Variants in CBL observed in about 807,000 individuals in gnomAD.
The protein encoded by CBL is Cbl proto-oncogene, also known as E3 ubiquitin-protein ligase CBL.
In CBL, 45 loss-of-function variants were observed where a neutral mutation model predicts 96.9. The observed-to-expected ratio is 0.46, with a 90% CI of 0.37 to 0.60. The LOEUF (loss-of-function observed/expected upper bound fraction) is 0.60. Ranked by LOEUF, CBL falls within the 20% of genes least tolerant of loss-of-function variation. The probability of loss-of-function intolerance (pLI) is 0.00; values close to 1 mark genes in which losing one functional copy is unlikely to be tolerated. For synonymous variants in CBL, 420 were observed against 426.8 expected (o/e 0.98, Z 0.20); for missense variants, 1,024 against 1,143.5 (o/e 0.90, Z 1.51).
At chr11:119,281,763 C>T (rs751021987) in intron 9 of CBL, among the ~76,000 whole-genome samples, 6 of 152,096 alleles carry the variant, frequency 3.9e-5, no homozygotes, top group Non-Finnish European at 8.8e-5. Context: ...TCCCACAGTG[C>T]TGGGATTACA....
intron 9 of CBL, among the ~76,000 whole-genome samples, chr11:119,282,456 G>A (rs1949943961): frequency 6.6e-6 from 1 of 152,214 alleles, no homozygotes; most frequent in African/African-American, 2.4e-5. Context: ...ATGATCGGCA[G>A]AGAGGGCCTT....
intron 1 of CBL, among the ~76,000 whole-genome samples, chr11:119,207,220 C>A (rs114827197): frequency 0.014 from 2,140 of 152,202 alleles, 52 homozygotes; most frequent in African/African-American, 0.045. Flanking sequence ...ACTTTCCTCC[C>A]CATCTAGCGC....
intron 1 of CBL, among the ~76,000 whole-genome samples, chr11:119,219,376 CAA>C (rs112712991): frequency 1.9e-4 from 23 of 124,224 alleles, no homozygotes; most frequent in Admixed American, 1.7e-4. Context: ...GACTCTGTCT[CAA>C]AAAAAAAAAA....
chr11:119,256,752 T>C (rs1299312361), intron 2 of CBL, among the ~76,000 whole-genome samples: 1 of 151,268 alleles, frequency 6.6e-6, no homozygotes, highest in Non-Finnish European at 1.5e-5. Context: ...TAAAGTCCAT[T>C]ATACCAATCT....
intron 1 of CBL, among the ~76,000 whole-genome samples, chr11:119,216,882 C>T (rs1347603306): frequency 2.0e-5 from 3 of 152,054 alleles, no homozygotes; most frequent in African/African-American, 4.8e-5. Context: ...TCGGTTACTC[C>T]GAGAAGGTTG....
intron 3 of CBL, among the ~76,000 whole-genome samples, chr11:119,272,175 G>T (rs902662001): frequency 6.6e-6 from 1 of 152,166 alleles, no homozygotes; most frequent in Non-Finnish European, 1.5e-5. Context: ...AGGCTGGAGT[G>T]CAGTGGTGCG....
chr11:119,304,371 A>T lies in CBL; in HGVS notation c.*4590A>T, dbSNP rs941202586. 2.1e-5 allele frequency: 5 copies of T among 233,146 alleles called. No individual in the cohort carries two copies. In the East Asian group the frequency reaches 3.0e-4, roughly 14 times the overall value. 14.4% of individuals were successfully genotyped at this position (233,146 alleles called of 1,614,324 possible). ...GCTTAGGGATTCTTTGGATCCAAGA[A>T]ACAGAAATGTTCAAGCGGAATAAAG... On this transcript the variant is annotated 3_prime_UTR_variant, in exon 16 of 16. Coordinates refer to ENST00000264033, the MANE Select transcript of CBL (RefSeq NM_005188.4).
At chr11:119,284,086 T>C (rs1264271610) in intron 9 of CBL, among the ~76,000 whole-genome samples, 1 of 152,116 alleles carries the variant, frequency 6.6e-6, no homozygotes, top group Admixed American at 6.6e-5. Flanking sequence ...ACAAGGCTGG[T>C]CTTGAACTCC....
At position 119,206,618 on chromosome 11, in the gene CBL, A is replaced by G; in HGVS notation, c.195+6A>G. ...GCTGGAAGCTCATGGACAAGGTGAA[A>G]GGCCGGCTGAGCGCCCGCTGTTGCA... On this transcript the variant is annotated splice_donor_region_variant and intron_variant, in intron 1 of 15. Coordinates refer to ENST00000264033, the MANE Select transcript of CBL (RefSeq NM_005188.4). 2 of 1,545,432 alleles carry G rather than the reference A, an allele frequency of 1.3e-6. No homozygotes were observed. The highest frequency in any genetic ancestry group is 1.7e-6 in the Non-Finnish European group (2 of 1,145,056).
At chr11:119,246,166 G>A (rs1368393809) in intron 2 of CBL, among the ~76,000 whole-genome samples, 4 of 151,682 alleles carry the variant, frequency 2.6e-5, no homozygotes, top group Admixed American at 2.0e-4. Flanking sequence ...GTAGAGACAG[G>A]GTTTCACTAT....
Position 119,296,968 on chromosome 11 carries a change from A to G in CBL, c.2087A>G (p.Glu696Gly), listed in dbSNP as rs1354142112. Residue 696 changes from glutamate (E) to glycine (G), a missense_variant, in exon 13 of 16, where the codon GAG (glutamate) becomes GGG (glycine). Physicochemically the swap from Glu to Gly is moderately conservative, Grantham distance 98. Around this residue, in one of 4 missense-constraint regions of CBL, gnomAD observed 695 missense variants for 661.6 expected, o/e 1.05. Coordinates refer to ENST00000264033, the MANE Select transcript of CBL (RefSeq NM_005188.4). ...CCTGGGGAGCAATGTGAGGGTGAAG[A>G]GGACACAGAGTACATGACTCCCTCT... Reference protein sequence around the residue: ...LPPGEQCEGEEDTEYMTPSSR... With the variant: ...LPPGEQCEGEGDTEYMTPSSR... The G allele has an allele frequency of 6.2e-7, 1 of 1,612,622 alleles. No individual in the cohort carries two copies. The highest frequency in any genetic ancestry group is 2.2e-5 in the East Asian group (1 of 44,868).
At chr11:119,217,370 C>T (rs1473854750) in intron 1 of CBL, among the ~76,000 whole-genome samples, 1 of 152,218 alleles carries the variant, frequency 6.6e-6, no homozygotes, top group Non-Finnish European at 1.5e-5. Flanking sequence ...GCCTTGGCCT[C>T]CCAAAGTGCT....
intron 1 of CBL, among the ~76,000 whole-genome samples, chr11:119,219,006 C>T (rs1486352444): frequency 4.6e-5 from 7 of 152,018 alleles, no homozygotes; most frequent in Admixed American, 4.6e-4. Flanking sequence ...TCACTTGTGT[C>T]CAGGAGTTCG....
At chr11:119,279,823 A>G (rs899725748) in intron 9 of CBL, among the ~76,000 whole-genome samples, 3 of 152,236 alleles carry the variant, frequency 2.0e-5, no homozygotes, top group Non-Finnish European at 4.4e-5. Context: ...AATTTTTTAC[A>G]ATTAATGCAT....
intron 2 of CBL, among the ~76,000 whole-genome samples, chr11:119,241,481 A>G (rs1247820415): frequency 6.6e-6 from 1 of 152,224 alleles, no homozygotes; most frequent in Non-Finnish European, 1.5e-5. Context: ...CCTGAATAGT[A>G]CATAGTCCCT....
chr11:119,213,762 A>G (rs1949336365), intron 1 of CBL, among the ~76,000 whole-genome samples: 1 of 152,086 alleles, frequency 6.6e-6, no homozygotes. Flanking sequence ...GCTGGAGTGC[A>G]GTGTCACAAT....
At chr11:119,216,380 ATTTATTTT>A (rs1422577462) in intron 1 of CBL, among the ~76,000 whole-genome samples, 1 of 132,020 alleles carries the variant, frequency 7.6e-6, no homozygotes, top group East Asian at 2.4e-4. Context: ...TTATTTATTT[ATTTATTTT>A]TTGAGATGGA....
chr11:119,214,663 T>A (rs1297847474), intron 1 of CBL, among the ~76,000 whole-genome samples: 1 of 152,218 alleles, frequency 6.6e-6, no homozygotes, highest in Non-Finnish European at 1.5e-5. Flanking sequence ...CTAGTTACTT[T>A]GTGTGGTGAT....
chr11:119,294,225 T>C (rs1207591762), intron 12 of CBL, among the ~76,000 whole-genome samples: 1 of 148,752 alleles, frequency 6.7e-6, no homozygotes, highest in Non-Finnish European at 1.5e-5. Flanking sequence ...GGTCCGGATA[T>C]CGAGACCAGC....
Sources: allele counts gnomAD v4.1 joint callset (sites outside exome capture counted in the v4.1 genomes callset), GRCh38; gene constraint gnomAD v4.1.1; regional missense constraint gnomAD v4.1.1; transcripts MANE v1.5; gene names NCBI Gene and HGNC (gene_info 2026-07-23, HGNC 2026-07-21).